SLCO3A1: variants seen among roughly 807,000 people sequenced by gnomAD.
SLCO3A1 encodes solute carrier organic anion transporter family member 3A1.
SLCO3A1 carries 27 observed loss-of-function variants against 63.1 expected under a neutral mutation model. The ratio of observed to expected loss-of-function variants is 0.43; its 90% CI spans 0.32 to 0.59. The LOEUF is 0.59. Ranked by LOEUF, SLCO3A1 falls within the 20% of genes least tolerant of loss-of-function variation. SLCO3A1 has a pLI of 0.09. For missense variants in SLCO3A1, 773 were observed against 945.8 expected (o/e 0.82, Z 2.40); for synonymous variants, 473 against 409.9 (o/e 1.15, Z -1.86).
At chr15:92,024,783 G>C in intron 2 of SLCO3A1, among the ~76,000 whole-genome samples, 1 of 152,298 alleles carries the variant, frequency 6.6e-6, no homozygotes, top group Non-Finnish European at 1.5e-5. Flanking sequence ...CTCTGAGAAG[G>C]TGACATTTGA....
rs1897698725 is a variant in SLCO3A1, at chr15:91,885,432, A to G, written c.181-30561A>G. Among the ~76,000 whole-genome samples the G allele has an allele frequency of 1.3e-5, 2 of 152,198 alleles. No homozygotes were observed. The highest frequency in any genetic ancestry group is 4.8e-5 in the African/African-American group (2 of 41,470). On this transcript the variant is annotated intron_variant, in intron 1 of 9. Transcript: ENST00000318445. This position sits in a 1 kb window ranked among gnomAD's most constrained non-coding sequence, Gnocchi z 4.7. ...AAAGCTGCCCTAGCTCCTGTGTTTCAGGAAGAAGCCGGGCAGATGCCTCTT... is the reference window on the plus strand; with the variant it reads ...AAAGCTGCCCTAGCTCCTGTGTTTCGGGAAGAAGCCGGGCAGATGCCTCTT...
chr15:92,164,834 G>T lies in SLCO3A1; in HGVS notation c.*1699G>T, dbSNP rs996065653. On this transcript the variant is annotated 3_prime_UTR_variant, in exon 10 of 10. Transcript: ENST00000318445. ...CACTAGGCCTTCTACGGCCATTTCT[G>T]TAAGGGGACAGAGCTTAGGTAAAGG... 529 of 985,370 alleles carry T rather than the reference G, an allele frequency of 5.4e-4. No individual in the cohort carries two copies. Among genetic ancestry groups the T allele is most frequent in the Non-Finnish European group, 6.2e-4 (513 of 829,926 alleles). 61.0% of individuals were successfully genotyped at this position (985,370 alleles called of 1,614,324 possible). A position where few individuals can be genotyped will look rare whatever the true frequency, so the allele number is the denominator to read the frequency against.
At chr15:92,058,786 C>G (rs900442711) in intron 2 of SLCO3A1, among the ~76,000 whole-genome samples, 1 of 152,112 alleles carries the variant, frequency 6.6e-6, no homozygotes, top group African/African-American at 2.4e-5. Context: ...TCTGGAGGCT[C>G]TAAGGAAGAA....
intron 2 of SLCO3A1, among the ~76,000 whole-genome samples, chr15:92,006,695 C>G (rs2046317089): frequency 6.6e-6 from 1 of 152,174 alleles, no homozygotes; most frequent in South Asian, 2.1e-4. Context: ...AGACTCAACT[C>G]TTTTTCAAAA....
At chr15:92,024,372 G>A (rs2046545262) in intron 2 of SLCO3A1, among the ~76,000 whole-genome samples, 1 of 152,220 alleles carries the variant, frequency 6.6e-6, no homozygotes, top group African/African-American at 2.4e-5. Flanking sequence ...ATCTTCAGAG[G>A]AAAATGAGCC....
In SLCO3A1 at chr15:91,986,874, T is replaced by C. The variant is rs75281507; in HGVS notation, c.646+70416T>C. ...TTAGGTTGAATTTAAACTTTTAATG[T>C]CAAGGCATATGGGGAGAAGGGTATC... On this transcript the variant is annotated intron_variant, in intron 2 of 9. Coordinates refer to ENST00000318445, the MANE Select transcript of SLCO3A1 (RefSeq NM_013272.4). 5.6e-3 allele frequency among the ~76,000 whole-genome samples: 852 copies of C among 152,344 alleles called. 7 individuals carry two copies. The highest frequency in any genetic ancestry group is 0.019 in the African/African-American group (804 of 41,588).
At chr15:92,103,283 T>C (rs1380952895) in intron 3 of SLCO3A1, among the ~76,000 whole-genome samples, 5 of 152,124 alleles carry the variant, frequency 3.3e-5, no homozygotes, top group African/African-American at 4.8e-5. Flanking sequence ...CAAAGAGACA[T>C]TTCTAAGCAG....
Position 92,165,778 on chromosome 15 carries a change from A to G in SLCO3A1, c.*2643A>G, listed in dbSNP as rs549148540. On this transcript the variant is annotated 3_prime_UTR_variant, in exon 10 of 10. Transcript: ENST00000318445. ...TTTGTGCTCTAAAGAAGCATTGTAC[A>G]TACAACACTAGATCCAGCCCCTCGA... 4 of 985,338 alleles carry G rather than the reference A, an allele frequency of 4.1e-6. No individual in the cohort carries two copies. Among genetic ancestry groups the G allele is most frequent in the Non-Finnish European group, 4.8e-6 (4 of 829,942 alleles). The allele number at this position is 985,338 out of a possible 1,614,324, so 61.0% of individuals were successfully genotyped here. A position where few individuals can be genotyped will look rare whatever the true frequency, so the allele number is the denominator to read the frequency against.
At chr15:91,922,351 C>T (rs1898879651) in intron 2 of SLCO3A1, among the ~76,000 whole-genome samples, 1 of 152,196 alleles carries the variant, frequency 6.6e-6, no homozygotes, top group African/African-American at 2.4e-5. Flanking sequence ...ACTCAGGAGG[C>T]ACACGTATTA....
At chr15:91,880,599 G>T (rs972469734) in intron 1 of SLCO3A1, among the ~76,000 whole-genome samples, 4 of 151,498 alleles carry the variant, frequency 2.6e-5, no homozygotes, top group Admixed American at 2.6e-4. Flanking sequence ...TACTTAAATG[G>T]CATCATACAG....
chr15:91,880,405 C>CTGTGTGTGTGTGTGTGTG (rs1234294258), intron 1 of SLCO3A1, among the ~76,000 whole-genome samples: 2,445 of 142,082 alleles, frequency 0.017, 97 homozygotes, highest in African/African-American at 0.063. Context: ...CTCTCTCTCT[C>CTGTGTGTGTGTGTGTGTG]TCTCTGTGTG....
intron 2 of SLCO3A1, among the ~76,000 whole-genome samples, chr15:91,984,079 G>T (rs1028530800): frequency 3.3e-5 from 5 of 152,170 alleles, no homozygotes; most frequent in African/African-American, 1.2e-4. Context: ...TCCAGACCAG[G>T]GGGCCACCAG....
rs191047663 is a variant in SLCO3A1, at chr15:91,862,592, G to A, written c.180+8504G>A. On this transcript the variant is annotated intron_variant, in intron 1 of 9. Transcript: ENST00000318445. This position sits in a 1 kb window ranked among gnomAD's most constrained non-coding sequence, Gnocchi z 4.0. ...TCAGATAGGCCTTGAGACTTTCTTG[G>A]TAGCTCTAAAGTCTCTTCTGGCTCT... is the stretch of plus-strand genomic sequence containing the variant. Among the ~76,000 whole-genome samples the A allele has an allele frequency of 3.1e-3, 473 of 152,290 alleles. 3 individuals are homozygous for A. Among genetic ancestry groups the A allele is most frequent in the Middle Eastern group, 6.8e-3 (2 of 294 alleles).
At chr15:91,960,145 G>A (rs932136771) in intron 2 of SLCO3A1, among the ~76,000 whole-genome samples, 2 of 152,048 alleles carry the variant, frequency 1.3e-5, no homozygotes, top group African/African-American at 4.8e-5. Flanking sequence ...CACCATGCTC[G>A]GCTAACTTTT....
intron 2 of SLCO3A1, among the ~76,000 whole-genome samples, chr15:92,060,521 A>G (rs1597272019): frequency 6.7e-6 from 1 of 148,836 alleles, no homozygotes; most frequent in African/African-American, 2.5e-5. Context: ...TTTTTTGGAG[A>G]CGGACTCTCG....
chr15:92,155,989 G>T (rs956571082), intron 9 of SLCO3A1, among the ~76,000 whole-genome samples: 2 of 152,154 alleles, frequency 1.3e-5, no homozygotes, highest in African/African-American at 4.8e-5. Flanking sequence ...GGCCCTCGGG[G>T]TGCATTTCTG....
At chr15:91,999,183 C>T (rs2046225148) in intron 2 of SLCO3A1, among the ~76,000 whole-genome samples, 1 of 152,176 alleles carries the variant, frequency 6.6e-6, no homozygotes, top group Non-Finnish European at 1.5e-5. Context: ...GGGTACTATG[C>T]TCTCCACCTG....
chr15:91,971,027 G>A (rs368493518), intron 2 of SLCO3A1, among the ~76,000 whole-genome samples: 2 of 152,008 alleles, frequency 1.3e-5, no homozygotes, highest in East Asian at 1.9e-4. Flanking sequence ...CAATACTCAC[G>A]GCACCTTTGA....
intron 3 of SLCO3A1, among the ~76,000 whole-genome samples, chr15:92,103,122 T>C (rs1052590300): frequency 3.6e-4 from 55 of 152,186 alleles, no homozygotes; most frequent in African/African-American, 1.2e-3. Context: ...TTATGAGTGC[T>C]GAAGTGTTCA....
Sources: gnomAD v4.1 joint callset for allele counts (sites outside exome capture counted in the v4.1 genomes callset) on GRCh38, gnomAD v4.1.1 for gene constraint, Gnocchi (gnomAD v3.1) non-coding constraint, MANE v1.5 for transcripts, NCBI Gene and HGNC (gene_info 2026-07-23, HGNC 2026-07-21) for gene names.